The following LRRTM4 variants were observed in gnomAD, a reference collection of about 807,000 sequenced individuals.
LRRTM4 encodes leucine rich repeat transmembrane neuronal 4.
In LRRTM4, 25 loss-of-function variants were observed where a neutral mutation model predicts 47.6. The observed-to-expected ratio is 0.53, with a 90% CI of 0.38 to 0.73. The LOEUF is 0.73. Ranked by LOEUF, LRRTM4 falls within the 30% of genes least tolerant of loss-of-function variation. The pLI, the probability that LRRTM4 is intolerant of heterozygous loss-of-function variation, is 0.00. For missense variants in LRRTM4, 638 were observed against 713.4 expected (o/e 0.89, Z 1.20); for synonymous variants, 311 against 269.5 (o/e 1.15, Z -1.51).
chr2:77,088,487 TGCCA>T (rs1349509215), intron 3 of LRRTM4, among the ~76,000 whole-genome samples: 1 of 152,130 alleles, frequency 6.6e-6, no homozygotes, highest in Admixed American at 6.5e-5. Context: ...CACTCCTGCC[TGCCA>T]GAGAACAAAC....
At chr2:77,484,637 T>C (rs1355415955) in intron 3 of LRRTM4, among the ~76,000 whole-genome samples, 1 of 152,184 alleles carries the variant, frequency 6.6e-6, no homozygotes, top group Non-Finnish European at 1.5e-5. Flanking sequence ...ATAATTATGG[T>C]TATATCAAGT....
intron 3 of LRRTM4, among the ~76,000 whole-genome samples, chr2:77,265,674 G>A (rs910368663): frequency 2.0e-5 from 3 of 152,070 alleles, no homozygotes; most frequent in Admixed American, 2.0e-4. Context: ...ACAAAGAAGT[G>A]TACTATGAGA....
At chr2:76,810,646 A>C (rs1280542996) in intron 3 of LRRTM4, among the ~76,000 whole-genome samples, 1 of 152,186 alleles carries the variant, frequency 6.6e-6, no homozygotes, top group Non-Finnish European at 1.5e-5. Context: ...ATTATATTCC[A>C]AATATAAAAG....
intron 3 of LRRTM4, among the ~76,000 whole-genome samples, chr2:77,228,359 T>C (rs1674870969): frequency 6.6e-6 from 1 of 152,096 alleles, no homozygotes; most frequent in Non-Finnish European, 1.5e-5. Flanking sequence ...CCACCTTGAG[T>C]TAACCTGACC....
At chr2:77,088,997 C>T (rs1680828237) in intron 3 of LRRTM4, among the ~76,000 whole-genome samples, 1 of 152,108 alleles carries the variant, frequency 6.6e-6, no homozygotes, top group Non-Finnish European at 1.5e-5. Context: ...AACTCCGGCG[C>T]CGGTCACGGA....
At chr2:77,489,438 A>C (rs2861054) in intron 3 of LRRTM4, among the ~76,000 whole-genome samples, 33,396 of 152,090 alleles carry the variant, frequency 0.22, 3,899 homozygotes, top group Middle Eastern at 0.3. Flanking sequence ...TTACGGTTAC[A>C]AAAATCAACA....
Position 77,063,216 on chromosome 2 carries a change from C to CCCA in LRRTM4, c.1552-314303_1552-314301dup, listed in dbSNP as rs1407471797. On this transcript the variant is annotated intron_variant, in intron 3 of 3. Transcript: ENST00000409884. ...CTCGTGATCCGCCCACCTCGGCCTCCCCAAGTGCTGGGATTATAGGCGTGA... is the reference window on the plus strand; with the variant it reads ...CTCGTGATCCGCCCACCTCGGCCTCCCCACCAAGTGCTGGGATTATAGGCGTGA... Among the ~76,000 whole-genome samples the CCCA allele has an allele frequency of 3.9e-5, 6 of 152,268 alleles. No individual in the cohort carries two copies. In the East Asian group the frequency reaches 1.2e-3, roughly 29 times the overall value.
chr2:76,835,735 C>A (rs945310108), intron 3 of LRRTM4, among the ~76,000 whole-genome samples: 1 of 151,942 alleles, frequency 6.6e-6, no homozygotes, highest in Non-Finnish European at 1.5e-5. Flanking sequence ...CCACCTGTCA[C>A]GGTAAGGTCA....
rs145564796 is a variant in LRRTM4, at chr2:76,767,881, G to A, written c.1552-18965C>T. On this transcript the variant is annotated intron_variant, in intron 3 of 3. Transcript: ENST00000409884. The stretch of plus-strand genomic sequence containing the variant: ...TCTGTCTTTTGAGTCAGAATGACAC[G>A]CAAACCATCAGCAGCAGAAAGAATC... Among the ~76,000 whole-genome samples the A allele has an allele frequency of 3.0e-4, 46 of 152,242 alleles. No homozygotes were observed. In the East Asian group the frequency reaches 3.1e-3, roughly 10 times the overall value.
chr2:77,226,820 A>T (rs549345594), intron 3 of LRRTM4, among the ~76,000 whole-genome samples: 13 of 152,058 alleles, frequency 8.5e-5, no homozygotes, highest in Non-Finnish European at 1.5e-5. Context: ...TTGCAGAGGC[A>T]TAGGGGAAAA....
At chr2:77,056,540 G>T (rs1347163996) in intron 3 of LRRTM4, among the ~76,000 whole-genome samples, 1 of 152,106 alleles carries the variant, frequency 6.6e-6, no homozygotes, top group African/African-American at 2.4e-5. Context: ...AAAGGATAAA[G>T]AGATGAAAGT....
At chr2:76,905,191 C>T (rs6720733) in intron 3 of LRRTM4, among the ~76,000 whole-genome samples, 22 of 152,084 alleles carry the variant, frequency 1.4e-4, no homozygotes, top group African/African-American at 2.2e-4. Context: ...TTGCAGTTCA[C>T]GAAAAACCAC....
chr2:77,385,860 G>C (rs1348381564), intron 3 of LRRTM4, among the ~76,000 whole-genome samples: 1 of 147,066 alleles, frequency 6.8e-6, no homozygotes, highest in Non-Finnish European at 1.5e-5. Context: ...TGATTCTTCT[G>C]GCCCAGCCTC....
intron 3 of LRRTM4, among the ~76,000 whole-genome samples, chr2:76,970,202 A>G (rs1676170092): frequency 6.6e-6 from 1 of 152,028 alleles, no homozygotes; most frequent in Admixed American, 6.6e-5. Context: ...ATTTTGTATA[A>G]GTGTACAGGG....
intron 3 of LRRTM4, among the ~76,000 whole-genome samples, chr2:77,130,489 C>T (rs1558595201): frequency 6.6e-6 from 1 of 151,914 alleles, no homozygotes. Flanking sequence ...GTTTGTCAGA[C>T]ATATACTATA....
At chr2:76,920,562 C>T (rs1674398237) in intron 3 of LRRTM4, among the ~76,000 whole-genome samples, 1 of 152,038 alleles carries the variant, frequency 6.6e-6, no homozygotes, top group South Asian at 2.1e-4. Flanking sequence ...ATTTGTAGGG[C>T]TTAATGACAT....
intron 3 of LRRTM4, among the ~76,000 whole-genome samples, chr2:76,943,273 A>G (rs1404341560): frequency 6.6e-6 from 1 of 152,102 alleles, no homozygotes; most frequent in Non-Finnish European, 1.5e-5. Flanking sequence ...CGTCTCTACT[A>G]AAAACACAAA....
intron 3 of LRRTM4, among the ~76,000 whole-genome samples, chr2:76,860,519 T>G (rs1672282616): frequency 6.6e-6 from 1 of 152,094 alleles, no homozygotes; most frequent in Non-Finnish European, 1.5e-5. Flanking sequence ...ATAGGTTAGA[T>G]GAAGGTTTGT....
intron 3 of LRRTM4, among the ~76,000 whole-genome samples, chr2:76,796,572 T>A (rs1173159778): frequency 1.7e-5 from 2 of 118,236 alleles, no homozygotes; most frequent in African/African-American, 7.6e-5. Context: ...CACGGCAGGG[T>A]ATTCCAACAG....
Sources: allele counts gnomAD v4.1 joint callset (sites outside exome capture counted in the v4.1 genomes callset), GRCh38; gene constraint gnomAD v4.1.1; transcripts MANE v1.5; gene names NCBI Gene and HGNC (gene_info 2026-07-23, HGNC 2026-07-21).